Variants in SLC17A7 observed in about 807,000 individuals in gnomAD.
SLC17A7 encodes the protein vesicular glutamate transporter 1.
Under a neutral mutation model 59.1 loss-of-function variants are expected in SLC17A7, and 15 were observed. That is an observed-to-expected ratio of 0.25 (90% CI 0.17 to 0.39). SLC17A7 has a LOEUF of 0.39. SLC17A7 is among the 10% of genes least tolerant of loss of function. The probability of loss-of-function intolerance (pLI) is 1.00; values close to 1 mark genes in which losing one functional copy is unlikely to be tolerated. For synonymous variants in SLC17A7, 353 were observed against 308.9 expected, an observed-to-expected ratio of 1.14 and a Z score of -1.50; for missense variants, 499 against 765.1, an observed-to-expected ratio of 0.65 and a Z score of 4.10.
rs376101582 is a variant in SLC17A7, at chr19:49,430,689, C to T, written c.1513G>A (p.Glu505Lys). 7 of 1,614,042 alleles carry T rather than the reference C, an allele frequency of 4.3e-6. No homozygotes were observed. Among genetic ancestry groups the T allele is most frequent in the Admixed American group, 3.3e-5 (2 of 60,004 alleles). ...QPWAEPEEMS[E>K]EKCGFVGHDQ... ...TGGCCAACGAAGCCACACTTCTCCT[C>T]GCTCATCTCCTCAGGCTCTGCCCAC... The change falls in exon 12 of 12, where the codon GAG (glutamate) becomes AAG (lysine). Residue 505 changes from glutamate to lysine, a missense_variant. Coordinates refer to ENST00000221485, the MANE Select transcript of SLC17A7 (RefSeq NM_020309.4).
Position 49,436,956 on chromosome 19 carries a change from G to GC in SLC17A7, c.63-156dup, listed in dbSNP as rs1186261232. On this transcript the variant is annotated intron_variant, in intron 1 of 11. Coordinates refer to ENST00000221485, the MANE Select transcript of SLC17A7 (RefSeq NM_020309.4). This position sits in a 1 kb window ranked among gnomAD's most constrained non-coding sequence, Gnocchi z 4.1. ...AGAGTCCAGGTCCCTGGCTCCCTTC[G>GC]CCCCCCTGATCCAGAAATCCTCCAT... is the stretch of plus-strand genomic sequence containing the variant. 10 of 1,119,464 alleles carry GC rather than the reference G, an allele frequency of 8.9e-6. No homozygotes were observed. The highest frequency in any genetic ancestry group is 7.8e-5 in the East Asian group (3 of 38,370). The allele number at this position is 1,119,464 out of a possible 1,614,324, so 69.3% of individuals were successfully genotyped here. A position where few individuals can be genotyped will look rare whatever the true frequency, so the allele number is the denominator to read the frequency against.
chr19:49,431,238 T>A lies in SLC17A7; in HGVS notation c.1262-96A>T, dbSNP rs902413584. The A allele has an allele frequency of 6.3e-7, 1 of 1,580,334 alleles. No homozygotes were observed. Among genetic ancestry groups the A allele is most frequent in the Non-Finnish European group, 8.6e-7 (1 of 1,158,252 alleles). ...AACCCTCTCCCCTCCCCGCCACTCA[T>A]GTTCCACCTTTTGTGAGGCTGAGAG... On this transcript the variant is annotated intron_variant, in intron 10 of 11. Transcript: ENST00000221485. The surrounding 1 kb of genome is among the most constrained non-coding windows in gnomAD (Gnocchi z 4.6).
chr19:49,433,069 G>A lies in SLC17A7; in HGVS notation c.868-109C>T, dbSNP rs536090968. On this transcript the variant is annotated intron_variant, in intron 7 of 11. Transcript: ENST00000221485. This position sits in a 1 kb window ranked among gnomAD's most constrained non-coding sequence, Gnocchi z 5.7. ...CTGCAGAAACCAAAGGATCCCGACC[G>A]CACTGAAACTTCTATGGACCCAAAG... 4 of 1,202,644 alleles carry A rather than the reference G, an allele frequency of 3.3e-6. No individual in the cohort carries two copies. The South Asian group carries it at 6.0e-5, about 18-fold the overall frequency. 74.5% of individuals were successfully genotyped at this position (1,202,644 alleles called of 1,614,324 possible).
rs2078981166 is a variant in SLC17A7, at chr19:49,436,722, C to G, written c.142G>C (p.Asp48His). The change falls in exon 2 of 12, where the codon GAC becomes CAC. Residue 48 changes from aspartate to histidine, a missense_variant. Around this residue, in one of 3 missense-constraint regions of SLC17A7, gnomAD observed 78 missense variants for 80.4 expected, o/e 0.97. Transcript: ENST00000221485. This position sits in a 1 kb window ranked among gnomAD's most constrained non-coding sequence, Gnocchi z 4.1. ...DGRPVTTQTR[D>H]PPVVDCTCFG... Reference sequence around the variant, plus strand: ...CAGGTGCAGTCCACCACCGGCGGGTCCCGGGTCTGCGTGGTCACCGGGCGC... The same window carrying G: ...CAGGTGCAGTCCACCACCGGCGGGTGCCGGGTCTGCGTGGTCACCGGGCGC... 1.2e-6 allele frequency: 2 copies of G among 1,611,978 alleles called. No homozygotes were observed. The highest frequency in any genetic ancestry group is 1.3e-5 in the African/African-American group (1 of 74,908).
At position 49,441,460 on chromosome 19, in the gene SLC17A7, G is replaced by A; in HGVS notation, c.-81C>T. On this transcript the variant is annotated 5_prime_UTR_variant, in exon 1 of 12. Coordinates refer to ENST00000221485, the MANE Select transcript of SLC17A7 (RefSeq NM_020309.4). ...CCGCGGGCCCGGGCGGCCGCGTCCG[G>A]GTTCCCGGGGTCCAGCCCCGGCCCG... 9.3e-7 allele frequency: 1 copy of A among 1,074,980 alleles called. No individual in the cohort carries two copies. Among genetic ancestry groups the A allele is most frequent in the Non-Finnish European group, 1.1e-6 (1 of 913,594 alleles). The allele number at this position is 1,074,980 out of a possible 1,614,324, so 66.6% of individuals were successfully genotyped here. A position where few individuals can be genotyped will look rare whatever the true frequency, so the allele number is the denominator to read the frequency against.
At chr19:49,439,048 C>T (rs978919503) in intron 1 of SLC17A7, among the ~76,000 whole-genome samples, 1 of 152,068 alleles carries the variant, frequency 6.6e-6, no homozygotes, top group African/African-American at 2.4e-5. Context: ...AGAAGGGAGA[C>T]CCTAGATGTA....
chr19:49,440,674 G>A (rs1251485919), intron 1 of SLC17A7, among the ~76,000 whole-genome samples: 1 of 152,206 alleles, frequency 6.6e-6, no homozygotes, highest in Non-Finnish European at 1.5e-5. Context: ...TTTAGCTGCA[G>A]ATTAAACTCC....
Position 49,435,156 on chromosome 19 carries a change from C to A in SLC17A7, c.434+12G>T. 1 of 1,592,806 alleles carries A rather than the reference C, an allele frequency of 6.3e-7. No individual in the cohort carries two copies. Among genetic ancestry groups the A allele is most frequent in the Admixed American group, 1.7e-5 (1 of 59,978 alleles). The stretch of plus-strand genomic sequence containing the variant: ...TGTAGTTACCGCCCACTTTGAGACC[C>A]CACCACTGTACCTGTTGGCTGCAAA... On this transcript the variant is annotated intron_variant, in intron 3 of 11. Coordinates refer to ENST00000221485, the MANE Select transcript of SLC17A7 (RefSeq NM_020309.4).
At chr19:49,430,951 A>G in intron 11 of SLC17A7, 64 bp downstream of exon 11, 1 of 1,563,248 alleles carries the variant, frequency 6.4e-7, no homozygotes, top group Non-Finnish European at 8.7e-7. Context: ...CAGTGCCACC[A>G]CGTGGTCAGT....
rs1338851190 is a variant in SLC17A7, at chr19:49,431,169, T to C, written c.1262-27A>G. The C allele has an allele frequency of 8.1e-6, 13 of 1,605,332 alleles. No homozygotes were observed. The highest frequency in any genetic ancestry group is 1.1e-5 in the Non-Finnish European group (13 of 1,174,796). ...TGGCGGAGAGACAAGTCGGAAGGCG[T>C]CACACCGGAATCTCACTCGAGTGAT... On this transcript the variant is annotated intron_variant, in intron 10 of 11. Coordinates refer to ENST00000221485, the MANE Select transcript of SLC17A7 (RefSeq NM_020309.4). This position sits in a 1 kb window ranked among gnomAD's most constrained non-coding sequence, Gnocchi z 4.6.
In SLC17A7 at chr19:49,431,465, G is replaced by A. The variant is rs755730305; in HGVS notation, c.1151-17C>T. 6.2e-6 allele frequency: 10 copies of A among 1,605,738 alleles called. No homozygotes were observed. Among genetic ancestry groups the A allele is most frequent in the African/African-American group, 1.3e-5 (1 of 74,746 alleles). On this transcript the variant is annotated splice_polypyrimidine_tract_variant and intron_variant, in intron 9 of 11. Coordinates refer to ENST00000221485, the MANE Select transcript of SLC17A7 (RefSeq NM_020309.4). The surrounding 1 kb of genome is among the most constrained non-coding windows in gnomAD (Gnocchi z 4.6). ...TGCCGAAGCCTACGGGGGCGGGGGG[G>A]GCCCGCGTCTCCTGAGTGTCGGCCG...
chr19:49,436,474 G>C lies in SLC17A7; in HGVS notation c.315+75C>G, dbSNP rs546951877. 4.0e-5 allele frequency: 62 copies of C among 1,554,982 alleles called. No individual in the cohort carries two copies. In the South Asian group the frequency reaches 6.7e-4, roughly 17 times the overall value. The stretch of plus-strand genomic sequence containing the variant: ...CGTGGCCTGGACGTCTGGTGGGTGA[G>C]TGTGACGTCATGGGGGCGTAGGCGG... On this transcript the variant is annotated intron_variant, in intron 2 of 11. Transcript: ENST00000221485. This position sits in a 1 kb window ranked among gnomAD's most constrained non-coding sequence, Gnocchi z 4.1.
rs2078961293 is a variant in SLC17A7, at chr19:49,431,750, C to T, written c.1151-302G>A. On this transcript the variant is annotated intron_variant, in intron 9 of 11. Transcript: ENST00000221485. This position sits in a 1 kb window ranked among gnomAD's most constrained non-coding sequence, Gnocchi z 4.6. ...AGGATCCCTGCTGTGCACGCTCACA[C>T]CTTCCCCTCAATCCCCACTCATGAG... Among the ~76,000 whole-genome samples the T allele has an allele frequency of 6.6e-6, 1 of 151,976 alleles. No homozygotes were observed. Among genetic ancestry groups the T allele is most frequent in the Admixed American group, 6.6e-5 (1 of 15,246 alleles).
rs2078982116 is a variant in SLC17A7, at chr19:49,436,927, A to T, written c.63-126T>A. On this transcript the variant is annotated intron_variant, in intron 1 of 11. Coordinates refer to ENST00000221485, the MANE Select transcript of SLC17A7 (RefSeq NM_020309.4). This position sits in a 1 kb window ranked among gnomAD's most constrained non-coding sequence, Gnocchi z 4.1. ...ATTCTAAGCCCGCACCTCCTCCTTC[A>T]CCAAGAGTCCAGGTCCCTGGCTCCC... 2.2e-6 allele frequency: 3 copies of T among 1,346,888 alleles called. No individual in the cohort carries two copies. The South Asian group carries it at 4.3e-5, about 19-fold the overall frequency. The allele number at this position is 1,346,888 out of a possible 1,614,324, so 83.4% of individuals were successfully genotyped here.
At position 49,433,197 on chromosome 19, in the gene SLC17A7, G is replaced by T; in HGVS notation, c.868-237C>A. On this transcript the variant is annotated intron_variant, in intron 7 of 11. Transcript: ENST00000221485. The surrounding 1 kb of genome is among the most constrained non-coding windows in gnomAD (Gnocchi z 5.7). ...GGCCCTATGGTAGCCTCTCAGGTCC[G>T]CAGGTGTCCGGGCCCCTCAGGGACC... 1 of 562,860 alleles carries T rather than the reference G, an allele frequency of 1.8e-6. No homozygotes were observed. The highest frequency in any genetic ancestry group is 2.3e-5 in the South Asian group (1 of 43,898). 34.9% of individuals were successfully genotyped at this position (562,860 alleles called of 1,614,324 possible). A position where few individuals can be genotyped will look rare whatever the true frequency, so the allele number is the denominator to read the frequency against.
At chr19:49,441,024 C>A (rs113922658) in intron 1 of SLC17A7, among the ~76,000 whole-genome samples, 1 of 151,802 alleles carries the variant, frequency 6.6e-6, no homozygotes, top group African/African-American at 2.4e-5. Flanking sequence ...CAGAAAGAGA[C>A]GGGGACAGAG....
intron 5 of SLC17A7, among the ~76,000 whole-genome samples, chr19:49,434,365 C>G (rs950325563): frequency 6.6e-6 from 1 of 150,572 alleles, no homozygotes; most frequent in Admixed American, 6.6e-5. Context: ...GTGCGGGCCT[C>G]CAGTCCCTCC....
rs2078975735 is a variant in SLC17A7 at position 49,435,251 on chromosome 19, G to A, written c.351C>T (p.Gly117=). Residue 117 remains glycine, a synonymous_variant, in exon 3 of 12, where the codon GGC becomes GGT. Transcript: ENST00000221485. ...AQFSWDPETV[G]LIHGSFFWGY... is the part of the protein sequence containing the mutation. Reference sequence around the variant, plus strand: ...CCCAGAAAAAGGAGCCGTGTATGAGGCCGACAGTCTCTGGATCCCAGCTGA... The same window carrying A: ...CCCAGAAAAAGGAGCCGTGTATGAGACCGACAGTCTCTGGATCCCAGCTGA... The A allele has an allele frequency of 6.2e-7, 1 of 1,613,904 alleles. No individual in the cohort carries two copies. The highest frequency in any genetic ancestry group is 1.3e-5 in the African/African-American group (1 of 74,894).
At position 49,430,532 on chromosome 19, in the gene SLC17A7, A is replaced by C. The variant is rs200296469; in HGVS notation, c.1670T>G (p.Val557Gly). 1.1e-5 allele frequency: 17 copies of C among 1,571,318 alleles called. No individual in the cohort carries two copies. Among genetic ancestry groups the C allele is most frequent in the African/African-American group, 1.4e-5 (1 of 73,706 alleles). The change falls in exon 12 of 12, where the codon GTC becomes GGC. Residue 557 changes from valine (V) to glycine (G), a missense_variant. By Grantham distance (109) the Val-to-Gly change is moderately radical. Transcript: ENST00000221485. ...TFQPPRPPPP[V>G]RDY ...GGAGGCACATGGTCAGTAGTCCCGGACAGGGGGTGGGGGCCTGGGGGGCTG... is the reference window on the plus strand; with the variant it reads ...GGAGGCACATGGTCAGTAGTCCCGGCCAGGGGGTGGGGGCCTGGGGGGCTG...
Sources: allele counts gnomAD v4.1 joint callset (sites outside exome capture counted in the v4.1 genomes callset), GRCh38; gene constraint gnomAD v4.1.1; regional missense constraint gnomAD v4.1.1; non-coding constraint Gnocchi (gnomAD v3.1); transcripts MANE v1.5; gene names NCBI Gene and HGNC (gene_info 2026-07-23, HGNC 2026-07-21).